Variants in HECW2 observed in about 807,000 individuals in gnomAD.
HECW2 encodes the protein HECT, C2 and WW domain containing E3 ubiquitin protein ligase 2.
HECW2 carries 61 observed loss-of-function variants against 175.2 expected under a neutral mutation model. The ratio of observed to expected loss-of-function variants is 0.35; its 90% confidence interval spans 0.28 to 0.43. The LOEUF is 0.43. Among genes scored for constraint, HECW2 ranks in the 20% least tolerant of loss-of-function variants. The probability of loss-of-function intolerance (pLI) is 1.00; values close to 1 mark genes in which losing one functional copy is unlikely to be tolerated. For missense variants in HECW2, 1,524 were observed against 2,000.5 expected, an observed-to-expected ratio of 0.76 and a Z score of 4.54; for synonymous variants, 671 against 731.0, an observed-to-expected ratio of 0.92 and a Z score of 1.32.
intron 1 of HECW2, among the ~76,000 whole-genome samples, chr2:196,538,609 T>C (rs1689099970): frequency 6.6e-6 from 1 of 152,178 alleles, no homozygotes; most frequent in African/African-American, 2.4e-5. Context: ...ACTTAACCAG[T>C]GCCCCTCTAT....
chr2:196,352,217 C>T (rs988230356), intron 2 of HECW2, among the ~76,000 whole-genome samples: 3 of 152,140 alleles, frequency 2.0e-5, no homozygotes, highest in African/African-American at 4.8e-5. Flanking sequence ...AATCATGGCA[C>T]CACCAGGCCA....
chr2:196,317,698 A>ATT (rs1422524747), intron 9 of HECW2, among the ~76,000 whole-genome samples: 1 of 151,798 alleles, frequency 6.6e-6, no homozygotes, highest in African/African-American at 2.4e-5. Flanking sequence ...CAAAATTTAA[A>ATT]AAAAAAAAGG....
At chr2:196,382,277 T>C (rs1295364049) in intron 2 of HECW2, among the ~76,000 whole-genome samples, 1 of 151,882 alleles carries the variant, frequency 6.6e-6, no homozygotes, top group Non-Finnish European at 1.5e-5. Flanking sequence ...CATCCATATA[T>C]GTATAAAAAC....
At chr2:196,365,760 G>C (rs137962666) in intron 2 of HECW2, among the ~76,000 whole-genome samples, 2 of 152,096 alleles carry the variant, frequency 1.3e-5, no homozygotes, top group African/African-American at 4.8e-5. Flanking sequence ...CACTAAAAAC[G>C]ATCATGACTA....
At chr2:196,407,922 T>G (rs980069471) in intron 2 of HECW2, among the ~76,000 whole-genome samples, 1 of 152,244 alleles carries the variant, frequency 6.6e-6, no homozygotes, top group Non-Finnish European at 1.5e-5. Context: ...GAGCCAAGTC[T>G]TCTTCTCCAT....
chr2:196,346,756 T>A (rs1575442197), intron 2 of HECW2, among the ~76,000 whole-genome samples: 1 of 152,020 alleles, frequency 6.6e-6, no homozygotes, highest in African/African-American at 2.4e-5. Flanking sequence ...ATCCTAGCAC[T>A]TTTGGAGGCT....
chr2:196,261,294 T>C (rs1250750167), intron 17 of HECW2, among the ~76,000 whole-genome samples: 3 of 152,232 alleles, frequency 2.0e-5, no homozygotes, highest in Non-Finnish European at 4.4e-5. Context: ...TATGCATTCA[T>C]GCTAAATAAT....
chr2:196,400,607 T>C (rs935899672), intron 2 of HECW2, among the ~76,000 whole-genome samples: 1 of 152,206 alleles, frequency 6.6e-6, no homozygotes, highest in African/African-American at 2.4e-5. Context: ...AAGATCTGTA[T>C]TGTCCCAGCA....
intron 14 of HECW2, chr2:196,291,945 G>T (rs541135167): frequency 3.9e-5 from 6 of 152,344 alleles, no homozygotes; most frequent in Admixed American, 3.3e-4. Context: ...CTCATAGAAT[G>T]ACTTCCTGAT....
chr2:196,374,833 G>GT (rs1234500094), intron 2 of HECW2, among the ~76,000 whole-genome samples: 2 of 145,804 alleles, frequency 1.4e-5, no homozygotes, highest in South Asian at 2.1e-4. Context: ...TAAGGGAAGA[G>GT]TAAAAAAAAA....
intron 2 of HECW2, among the ~76,000 whole-genome samples, chr2:196,367,131 G>A (rs1693765496): frequency 6.6e-6 from 1 of 152,152 alleles, no homozygotes; most frequent in African/African-American, 2.4e-5. Context: ...TCACATTAGT[G>A]AACAAAATTG....
chr2:196,343,919 C>T (rs536250168), intron 2 of HECW2, among the ~76,000 whole-genome samples, 155 bp from the exon 3 acceptor site: 97 of 152,140 alleles, frequency 6.4e-4, no homozygotes, highest in Admixed American at 1.0e-3. Context: ...GAGTATTACC[C>T]GAGTTTCTGT....
intron 1 of HECW2, among the ~76,000 whole-genome samples, chr2:196,544,609 C>T (rs143830316): frequency 6.6e-6 from 1 of 152,262 alleles, no homozygotes; most frequent in African/African-American, 2.4e-5. Context: ...TTGCATAGCA[C>T]GATGTAGGAA....
intron 14 of HECW2, chr2:196,288,633 A>T (rs1344522557): frequency 3.9e-5 from 6 of 152,226 alleles, no homozygotes. Context: ...TCATCAATTA[A>T]CAAATCTGTA....
chr2:196,350,386 G>A (rs1693128282), intron 2 of HECW2, among the ~76,000 whole-genome samples: 1 of 152,110 alleles, frequency 6.6e-6, no homozygotes, highest in African/African-American at 2.4e-5. Context: ...CAAATAAAAT[G>A]CTAATTCTTG....
chr2:196,527,467 C>T (rs901695656), intron 1 of HECW2, among the ~76,000 whole-genome samples: 3 of 152,278 alleles, frequency 2.0e-5, no homozygotes, highest in South Asian at 2.1e-4. Context: ...AGCTGTAGAC[C>T]GGAGCTGTTT....
intron 26 of HECW2, chr2:196,218,330 A>T (rs529365684): frequency 1.3e-5 from 2 of 152,332 alleles, no homozygotes; most frequent in South Asian, 4.1e-4. Context: ...TTCTTTACTC[A>T]GTGCCAAGTA....
chr2:196,485,032 A>G (rs904956411), intron 1 of HECW2, among the ~76,000 whole-genome samples: 1 of 152,202 alleles, frequency 6.6e-6, no homozygotes, highest in Non-Finnish European at 1.5e-5. Flanking sequence ...AAGAGGACAG[A>G]GTTATCAGTC....
intron 2 of HECW2, among the ~76,000 whole-genome samples, chr2:196,370,654 G>A (rs969231201): frequency 6.6e-6 from 1 of 152,102 alleles, no homozygotes; most frequent in African/African-American, 2.4e-5. Flanking sequence ...TACAACCCCA[G>A]AGCAATTTAA....
Sources: allele counts gnomAD v4.1 joint callset (sites outside exome capture counted in the v4.1 genomes callset), GRCh38; gene constraint gnomAD v4.1.1; transcripts MANE v1.5; gene names NCBI Gene and HGNC (gene_info 2026-07-23, HGNC 2026-07-21).